The following PCNT variants were observed in gnomAD, a reference collection of about 807,000 sequenced individuals.
The protein encoded by PCNT is kendrin.
In PCNT, 319 loss-of-function variants were observed where a neutral mutation model predicts 380.4. The ratio of observed to expected loss-of-function variants is 0.84; its 90% CI spans 0.77 to 0.92. The LOEUF (loss-of-function observed/expected upper bound fraction) is 0.92, where lower values mean the gene tolerates loss of function less well. Ranked by LOEUF, PCNT falls within the 40% of genes least tolerant of loss-of-function variation. The probability of loss-of-function intolerance (pLI) is 0.00; values close to 1 mark genes in which losing one functional copy is unlikely to be tolerated. For synonymous variants in PCNT, 1,845 were observed against 1,735.2 expected (o/e 1.06, Z -1.57); for missense variants, 4,400 against 4,255.3 (o/e 1.03, Z -0.95).
intron 6 of PCNT, 141 bp downstream of exon 6, chr21:46,347,653 T>G (rs117843059): frequency 6.5e-6 from 5 of 774,692 alleles, no homozygotes; most frequent in Non-Finnish European, 1.1e-5. Flanking sequence ...TGAAAGTGTA[T>G]TGCGTTCTTT....
intron 29 of PCNT, among the ~76,000 whole-genome samples, chr21:46,415,260 G>A (rs1014536940): frequency 6.6e-6 from 1 of 152,062 alleles, no homozygotes; most frequent in African/African-American, 2.4e-5. Flanking sequence ...AACCTGGTTC[G>A]TGTGCTTGTC....
intron 30 of PCNT, among the ~76,000 whole-genome samples, chr21:46,417,787 C>CT (rs1317053459): frequency 6.6e-6 from 1 of 152,142 alleles, no homozygotes; most frequent in Non-Finnish European, 1.5e-5. Context: ...CCCATGGTCC[C>CT]TGCTCTTCAG....
intron 15 of PCNT, among the ~76,000 whole-genome samples, chr21:46,368,220 C>T (rs994202062): frequency 1.3e-5 from 2 of 151,840 alleles, no homozygotes; most frequent in Non-Finnish European, 2.9e-5. Context: ...CCAAGGCGGG[C>T]AGATCACAAG....
At chr21:46,378,934 G>T (rs2085418526) in intron 15 of PCNT, among the ~76,000 whole-genome samples, 1 of 152,088 alleles carries the variant, frequency 6.6e-6, no homozygotes, top group Admixed American at 6.5e-5. Flanking sequence ...AAGAAGAATT[G>T]TAAACAAAAG....
intron 12 of PCNT, 24 bp downstream of exon 12, chr21:46,355,650 G>C: frequency 6.2e-7 from 1 of 1,611,808 alleles, no homozygotes; most frequent in South Asian, 1.1e-5. Flanking sequence ...GCCTCGCCAT[G>C]GTGTCGGCAG....
chr21:46,388,732 C>T lies in PCNT; in HGVS notation c.3465-10C>T, dbSNP rs375839439. 6.8e-6 allele frequency: 11 copies of T among 1,613,526 alleles called. No homozygotes were observed. The highest frequency in any genetic ancestry group is 4.5e-5 in the East Asian group (2 of 44,884). ...CCAGCTTGCCTGATGATGGGTGTCT[C>T]CTGTCTCAGAGGGGCCCTCCAGGAC... On this transcript the variant is annotated splice_polypyrimidine_tract_variant and intron_variant, in intron 17 of 46. Coordinates refer to ENST00000359568, the MANE Select transcript of PCNT (RefSeq NM_006031.6). This position sits in a 1 kb window ranked among gnomAD's most constrained non-coding sequence, Gnocchi z 4.2.
intron 3 of PCNT, among the ~76,000 whole-genome samples, chr21:46,341,029 G>T (rs954670097): frequency 1.3e-5 from 2 of 151,514 alleles, no homozygotes; most frequent in Admixed American, 1.3e-4. Flanking sequence ...AATTACAGAC[G>T]TGTGCCACCA....
chr21:46,365,075 T>G (rs1042664770), intron 14 of PCNT, among the ~76,000 whole-genome samples: 5 of 152,234 alleles, frequency 3.3e-5, no homozygotes, highest in African/African-American at 1.2e-4. Flanking sequence ...TGGCCCTGAG[T>G]GCCGCCTGCA....
chr21:46,418,353 C>G (rs766040018), intron 31 of PCNT, 47 bp downstream of exon 31: 2 of 1,128,416 alleles, frequency 1.8e-6, no homozygotes, highest in East Asian at 2.4e-5. Context: ...CAGTGGTTTC[C>G]TAGCACAGAA....
At chr21:46,426,831 C>G (rs1319570995) in intron 33 of PCNT, among the ~76,000 whole-genome samples, 2 of 152,214 alleles carry the variant, frequency 1.3e-5, no homozygotes, top group Admixed American at 6.5e-5. Flanking sequence ...CCGTGCCCAC[C>G]CTGTCCTGCC....
intron 13 of PCNT, among the ~76,000 whole-genome samples, chr21:46,360,995 TG>T (rs2084694958): frequency 6.6e-6 from 1 of 152,252 alleles, no homozygotes; most frequent in Admixed American, 6.5e-5. Flanking sequence ...CTTGTGTTTT[TG>T]GATTATTTGA....
intron 27 of PCNT, among the ~76,000 whole-genome samples, chr21:46,408,084 C>G (rs543029030): frequency 6.6e-6 from 1 of 152,010 alleles, no homozygotes; most frequent in East Asian, 1.9e-4. Flanking sequence ...GGATTTAGTC[C>G]TGTAATAATC....
chr21:46,344,043 GT>G (rs1431745550), intron 3 of PCNT, among the ~76,000 whole-genome samples: 2 of 150,924 alleles, frequency 1.3e-5, no homozygotes, highest in Non-Finnish European at 3.0e-5. Flanking sequence ...TGATCTATCA[GT>G]TTTGTTTATC....
chr21:46,354,254 A>G (rs1323106722), intron 11 of PCNT, among the ~76,000 whole-genome samples, 186 bp downstream of exon 11: 1 of 152,166 alleles, frequency 6.6e-6, no homozygotes, highest in African/African-American at 2.4e-5. Context: ...CTGTTTGATC[A>G]GGAAAGGGGG....
intron 31 of PCNT, among the ~76,000 whole-genome samples, chr21:46,418,843 T>TG (rs911137079): frequency 1.6e-4 from 24 of 152,286 alleles, no homozygotes; most frequent in African/African-American, 5.1e-4. Flanking sequence ...CGATGGTGCG[T>TG]GGGGGGCTGC....
chr21:46,427,139 G>T (rs976108830), intron 33 of PCNT, among the ~76,000 whole-genome samples: 12 of 152,244 alleles, frequency 7.9e-5, no homozygotes. Context: ...AAAGAGGGAA[G>T]GAGCTTTGCT....
At position 46,354,025 on chromosome 21, in the gene PCNT, G is replaced by T. The variant is rs757850459; in HGVS notation, c.1718G>T (p.Gly573Val). ...GGTTTAGAAGAGAAACCTGAGAAAG[G>T]AAGAAAAGATCACGTTGATGAACTC... ...CVGLEEKPEK[G>V]RKDHVDELEP... Residue 573 changes from glycine (G) to valine (V), a missense_variant, in exon 11 of 47, where the codon GGA (glycine) becomes GTA (valine). Physicochemically the swap from Gly to Val is moderately radical, Grantham distance 109. Coordinates refer to ENST00000359568, the MANE Select transcript of PCNT (RefSeq NM_006031.6). 6.2e-7 allele frequency: 1 copy of T among 1,614,152 alleles called. No homozygotes were observed. Among genetic ancestry groups the T allele is most frequent in the Non-Finnish European group, 8.5e-7 (1 of 1,179,990 alleles).
chr21:46,422,866 C>A (rs768433674), intron 32 of PCNT, among the ~76,000 whole-genome samples: 1 of 152,212 alleles, frequency 6.6e-6, no homozygotes, highest in Non-Finnish European at 1.5e-5. Context: ...CCTGAGGGTG[C>A]CTTTGTTACA....
intron 2 of PCNT, among the ~76,000 whole-genome samples, chr21:46,330,784 T>C (rs2083534714): frequency 6.6e-6 from 1 of 152,242 alleles, no homozygotes; most frequent in Admixed American, 6.5e-5. Flanking sequence ...TGTTTAAAGC[T>C]AGCAGCTGGT....
Sources: allele counts gnomAD v4.1 joint callset (sites outside exome capture counted in the v4.1 genomes callset), GRCh38; gene constraint gnomAD v4.1.1; non-coding constraint Gnocchi (gnomAD v3.1); transcripts MANE v1.5; gene names NCBI Gene and HGNC (gene_info 2026-07-23, HGNC 2026-07-21).